Variants in THSD7B observed in about 807,000 individuals in gnomAD.
THSD7B encodes thrombospondin type-1 domain-containing protein 7B.
THSD7B carries 138 observed loss-of-function variants against 213.6 expected under a neutral mutation model. The observed-to-expected ratio is 0.65, with a 90% CI of 0.56 to 0.74. The LOEUF is 0.74. Among genes scored for constraint, THSD7B ranks in the 30% least tolerant of loss-of-function variants. THSD7B has a pLI of 0.00. For synonymous variants in THSD7B, 742 were observed against 687.0 expected, an observed-to-expected ratio of 1.08 and a Z score of -1.25; for missense variants, 1,931 against 1,991.5, an observed-to-expected ratio of 0.97 and a Z score of 0.58.
At chr2:136,801,086 T>G (rs1381228926) in intron 1 of THSD7B, among the ~76,000 whole-genome samples, 4 of 152,160 alleles carry the variant, frequency 2.6e-5, no homozygotes, top group East Asian at 1.9e-4. Flanking sequence ...TAAGTCTTGA[T>G]GGTTTGCATA....
chr2:136,865,418 T>C (rs571599963), intron 1 of THSD7B, among the ~76,000 whole-genome samples: 1 of 152,322 alleles, frequency 6.6e-6, no homozygotes, highest in South Asian at 2.1e-4. Flanking sequence ...TGTCCTAATA[T>C]TTGGACTGGG....
intron 1 of THSD7B, among the ~76,000 whole-genome samples, chr2:136,765,943 C>T (rs540790463): frequency 1.3e-5 from 2 of 152,340 alleles, no homozygotes; most frequent in East Asian, 1.9e-4. Context: ...ACCCTCTAGG[C>T]GGGCGGGGAC....
chr2:137,069,674 C>T (rs57750219), intron 3 of THSD7B, among the ~76,000 whole-genome samples: 13,301 of 151,894 alleles, frequency 0.088, 718 homozygotes, highest in East Asian at 0.18. Context: ...CCTCATTGTT[C>T]CCTTGTTTTT....
chr2:137,655,780 T>C, intron 22 of THSD7B, 120 bp downstream of exon 22: 1 of 1,237,436 alleles, frequency 8.1e-7, no homozygotes, highest in South Asian at 1.7e-5. Flanking sequence ...CTTTAATTCA[T>C]TTTTAATTGT....
chr2:137,519,896 T>C, intron 15 of THSD7B, among the ~76,000 whole-genome samples: 1 of 152,162 alleles, frequency 6.6e-6, no homozygotes, highest in East Asian at 1.9e-4. Flanking sequence ...GAAACATATC[T>C]CAGAGAATGA....
chr2:137,408,071 T>A (rs1686569341), intron 13 of THSD7B, among the ~76,000 whole-genome samples: 2 of 152,054 alleles, frequency 1.3e-5, no homozygotes, highest in Admixed American at 6.6e-5. Flanking sequence ...AATGCTGATT[T>A]TGATTAGTAT....
chr2:137,668,516 T>C (rs1411967783), intron 27 of THSD7B, among the ~76,000 whole-genome samples: 1 of 151,360 alleles, frequency 6.6e-6, no homozygotes, highest in Non-Finnish European at 1.5e-5. Context: ...TAATAACTAG[T>C]TTATCATACA....
chr2:136,770,147 C>T (rs1307674725), intron 1 of THSD7B, among the ~76,000 whole-genome samples: 6 of 152,164 alleles, frequency 3.9e-5, no homozygotes, highest in Admixed American at 1.3e-4. Context: ...CTCTGAACTT[C>T]GTGGCAGTTA....
chr2:137,639,430 A>G (rs1356528933), intron 20 of THSD7B, among the ~76,000 whole-genome samples: 2 of 152,188 alleles, frequency 1.3e-5, no homozygotes, highest in Non-Finnish European at 2.9e-5. Context: ...CAGGGCCCTC[A>G]TGGAAAACCC....
chr2:137,289,716 GA>G lies in THSD7B; in HGVS notation c.2500+13694del, dbSNP rs1683277430. Among the ~76,000 whole-genome samples, 7 of 151,762 alleles carry G rather than the reference GA, an allele frequency of 4.6e-5. 1 individual carries two copies. In the South Asian group the frequency reaches 1.5e-3, roughly 32 times the overall value. ...ATGGCTTTACAAAATATTTGCCAAA[GA>G]AAACCAAGAAATAAGTAGCTTTAAA... On this transcript the variant is annotated intron_variant, in intron 12 of 27. Transcript: ENST00000409968.
chr2:137,656,995 T>A, intron 23 of THSD7B, 26 bp downstream of exon 23: 2 of 1,613,488 alleles, frequency 1.2e-6, no homozygotes, highest in Non-Finnish European at 1.7e-6. Context: ...TTCAGTTCTT[T>A]AGCCTTCATT....
intron 20 of THSD7B, among the ~76,000 whole-genome samples, chr2:137,639,119 G>T (rs772083239): frequency 6.6e-6 from 1 of 151,952 alleles, no homozygotes; most frequent in Non-Finnish European, 1.5e-5. Flanking sequence ...TCCAGGGCAT[G>T]TCAGAGAACT....
intron 1 of THSD7B, among the ~76,000 whole-genome samples, chr2:136,780,184 G>C (rs1272633783): frequency 6.6e-6 from 1 of 152,178 alleles, no homozygotes; most frequent in Non-Finnish European, 1.5e-5. Context: ...GGAAGTGCGA[G>C]ATCAAGGCAT....
At chr2:137,201,701 C>T (rs563584360) in intron 7 of THSD7B, among the ~76,000 whole-genome samples, 1 of 152,260 alleles carries the variant, frequency 6.6e-6, no homozygotes, top group South Asian at 2.1e-4. Flanking sequence ...CCCCACAGTT[C>T]TCCAAAGTGG....
chr2:137,141,494 T>TCACACA (rs36201207), intron 5 of THSD7B, among the ~76,000 whole-genome samples: 3 of 150,070 alleles, frequency 2.0e-5, no homozygotes, highest in Admixed American at 6.7e-5. Flanking sequence ...ACACACACAC[T>TCACACA]CACACACACA....
intron 1 of THSD7B, among the ~76,000 whole-genome samples, chr2:136,825,383 A>C (rs1573655864): frequency 6.6e-6 from 1 of 152,256 alleles, no homozygotes; most frequent in East Asian, 1.9e-4. Context: ...TGGAGCTTTC[A>C]AGAAGCTCTG....
chr2:137,328,954 C>T (rs1377301533), intron 12 of THSD7B, among the ~76,000 whole-genome samples: 1 of 152,098 alleles, frequency 6.6e-6, no homozygotes, highest in Non-Finnish European at 1.5e-5. Context: ...TATAAATTAC[C>T]CAGGCTCAGG....
intron 10 of THSD7B, among the ~76,000 whole-genome samples, chr2:137,250,443 A>T (rs911758610): frequency 3.3e-5 from 5 of 152,312 alleles, no homozygotes; most frequent in Admixed American, 1.3e-4. Context: ...TATTCCATTT[A>T]ATTCTTACCT....
chr2:137,272,230 C>T (rs1682760908), intron 10 of THSD7B, among the ~76,000 whole-genome samples: 1 of 152,088 alleles, frequency 6.6e-6, no homozygotes, highest in South Asian at 2.1e-4. Flanking sequence ...AAGAAGGTTT[C>T]TGGGGCCCCT....
Sources: gnomAD v4.1 joint callset for allele counts (sites outside exome capture counted in the v4.1 genomes callset) on GRCh38, gnomAD v4.1.1 for gene constraint, MANE v1.5 for transcripts, NCBI Gene and HGNC (gene_info 2026-07-23, HGNC 2026-07-21) for gene names.